The following TYROBP variants were observed in gnomAD, a reference collection of about 807,000 sequenced individuals.
TYROBP encodes the protein TYRO protein tyrosine kinase-binding protein.
Under a neutral mutation model 17.1 loss-of-function variants are expected in TYROBP, and 14 were observed. The ratio of observed to expected loss-of-function variants is 0.82; its 90% CI spans 0.54 to 1.28. TYROBP has a LOEUF of 1.28. Ranked by LOEUF, TYROBP falls within the 50% of genes most tolerant of loss-of-function variation. The probability of loss-of-function intolerance (pLI) is 0.00; values close to 1 mark genes in which losing one functional copy is unlikely to be tolerated. For synonymous variants in TYROBP, 73 were observed against 67.4 expected (o/e 1.08, Z -0.41); for missense variants, 161 against 151.4 (o/e 1.06, Z -0.33).
chr19:35,908,117 C>T, intron 1 of TYROBP, 51 bp downstream of exon 1: 1 of 1,554,718 alleles, frequency 6.4e-7, no homozygotes, highest in Non-Finnish European at 8.9e-7. Flanking sequence ...CTGCCCTGCC[C>T]CAAGCTGAGC....
rs564959565 is a variant in TYROBP, at chr19:35,904,445, G to A, written c.*124C>T. ...TATTTTAGGAGAGTATTGGGGAGCG[G>A]TCTGGTCTCTCAGGGATGGCACTCT... On this transcript the variant is annotated 3_prime_UTR_variant, in exon 5 of 5. Transcript: ENST00000262629. 1 of 1,004,428 alleles carries A rather than the reference G, an allele frequency of 1.0e-6. No homozygotes were observed. Among genetic ancestry groups the A allele is most frequent in the South Asian group, 1.3e-5 (1 of 74,712 alleles). 62.2% of individuals were successfully genotyped at this position (1,004,428 alleles called of 1,614,324 possible). A position where few individuals can be genotyped will look rare whatever the true frequency, so the allele number is the denominator to read the frequency against.
chr19:35,904,625 C>T lies in TYROBP; in HGVS notation c.286G>A (p.Gly96Ser). ...TCGCTGTAGACATCCGACCTCTGAC[C>T]CTGGAGCTCCTAAAGGAATGGGGGC... ...ETESPYQELQ[G>S]QRSDVYSDLN... Residue 96 changes from glycine to serine, a missense_variant, in exon 5 of 5, where the codon GGT (glycine) becomes AGT (serine). Coordinates refer to ENST00000262629, the MANE Select transcript of TYROBP (RefSeq NM_003332.4). 1.2e-6 allele frequency: 2 copies of T among 1,612,922 alleles called. No individual in the cohort carries two copies. Among genetic ancestry groups the T allele is most frequent in the Non-Finnish European group, 1.7e-6 (2 of 1,179,560 alleles).
chr19:35,907,630 AG>A lies in TYROBP; in HGVS notation c.95-51del, dbSNP rs1396887951. 3.7e-6 allele frequency: 6 copies of A among 1,612,776 alleles called. No individual in the cohort carries two copies. The African/African-American group carries it at 4.0e-5, about 11-fold the overall frequency. ...TCAGTGTGTGCTGGGAACTGTGGGG[AG>A]GGGGGTCAGCGGCAGGGAGGTTTGG... is the stretch of plus-strand genomic sequence containing the variant. On this transcript the variant is annotated intron_variant, in intron 2 of 4. Coordinates refer to ENST00000262629, the MANE Select transcript of TYROBP (RefSeq NM_003332.4).
rs778000401 is a variant in TYROBP, at chr19:35,908,256, T to C, written c.-28A>G. The C allele has an allele frequency of 1.7e-5, 27 of 1,606,380 alleles. No homozygotes were observed. The highest frequency in any genetic ancestry group is 1.6e-4 in the Middle Eastern group (1 of 6,070). On this transcript the variant is annotated 5_prime_UTR_variant, in exon 1 of 5. Transcript: ENST00000262629. ...AGCCGGATGCTGCTGGACACCACAG[T>C]GTAAGGGCCGGTGGGATGTGGCGCA...
chr19:35,904,471 G>T lies in TYROBP; in HGVS notation c.*98C>A. 7.9e-7 allele frequency: 1 copy of T among 1,261,626 alleles called. No homozygotes were observed. The highest frequency in any genetic ancestry group is 1.1e-6 in the Non-Finnish European group (1 of 877,264). 78.2% of individuals were successfully genotyped at this position (1,261,626 alleles called of 1,614,324 possible). Reference sequence around the variant, plus strand: ...TCTGGTCTCTCAGGGATGGCACTCTGTGGGTCTGTATCGCGGTAGGAGTTG... The same window carrying T: ...TCTGGTCTCTCAGGGATGGCACTCTTTGGGTCTGTATCGCGGTAGGAGTTG... On this transcript the variant is annotated 3_prime_UTR_variant, in exon 5 of 5. Transcript: ENST00000262629.
chr19:35,906,057 C>T (rs973148302), intron 4 of TYROBP, among the ~76,000 whole-genome samples: 2 of 150,988 alleles, frequency 1.3e-5, no homozygotes, highest in African/African-American at 2.4e-5. Flanking sequence ...GAGGCTGAGG[C>T]GGGAGGATCA....
chr19:35,907,756 C>A lies in TYROBP; in HGVS notation c.68G>T (p.Arg23Leu), dbSNP rs79272253. 6.8e-6 allele frequency: 11 copies of A among 1,613,274 alleles called. No individual in the cohort carries two copies. Among genetic ancestry groups the A allele is most frequent in the Non-Finnish European group, 9.3e-6 (11 of 1,179,934 alleles). Residue 23 changes from arginine to leucine, a missense_variant, in exon 2 of 5, where the codon CGT (arginine) becomes CTT (leucine). Transcript: ENST00000262629. ...LPLLLAVSGLRPVQAQAQSDC... is the reference protein window; with the variant it reads ...LPLLLAVSGLLPVQAQAQSDC... ...GCTCTGGGCCTGGGCCTGGACAGGA[C>A]GGAGACCTGAGGAGGAAAAAGAAGG...
chr19:35,907,402 C>T, intron 3 of TYROBP, 44 bp downstream of exon 3: 2 of 1,602,238 alleles, frequency 1.2e-6, no homozygotes, highest in Non-Finnish European at 1.7e-6. Context: ...CCCCCACCCC[C>T]ATCTAGGCAA....
At chr19:35,907,325 T>C (rs759389250) in intron 3 of TYROBP, 61 bp from the exon 4 acceptor site, 1 of 1,609,974 alleles carries the variant, frequency 6.2e-7, no homozygotes, top group South Asian at 1.1e-5. Context: ...GAGGGTGTTT[T>C]GTCATTCCAA....
chr19:35,906,539 C>T (rs1975728375), intron 4 of TYROBP, among the ~76,000 whole-genome samples: 1 of 152,028 alleles, frequency 6.6e-6, no homozygotes, highest in Non-Finnish European at 1.5e-5. Context: ...AAAAGAGATT[C>T]TAGGACTCCT....
intron 4 of TYROBP, among the ~76,000 whole-genome samples, chr19:35,905,652 T>TAA (rs753977412): frequency 4.4e-5 from 6 of 136,142 alleles, no homozygotes; most frequent in Admixed American, 1.5e-4. Context: ...ATCTCTACTT[T>TAA]AAAAAAAAAA....
At chr19:35,908,144 C>T in intron 1 of TYROBP, 24 bp downstream of exon 1, 3 of 1,611,034 alleles carry the variant, frequency 1.9e-6, no homozygotes, top group Non-Finnish European at 2.5e-6. Flanking sequence ...ACCCGGGAGG[C>T]AGCCACGGAA....
At chr19:35,905,682 C>T (rs1975703611) in intron 4 of TYROBP, among the ~76,000 whole-genome samples, 1 of 150,402 alleles carries the variant, frequency 6.6e-6, no homozygotes, top group Non-Finnish European at 1.5e-5. Context: ...AGGCCGGGCG[C>T]GGTGGCTCAC....
At position 35,907,461 on chromosome 19, in the gene TYROBP, G is replaced by A; in HGVS notation, c.214C>T (p.Arg72Ter). Residue 72 changes from arginine (R) to a stop codon, truncating the protein, a stop_gained, in exon 3 of 5, where the codon CGA (arginine) becomes TGA (stop). Coordinates refer to ENST00000262629, the MANE Select transcript of TYROBP (RefSeq NM_003332.4). LOFTEE classifies it high-confidence loss of function. Reference protein sequence around the residue: ...YFLGRLVPRGRGAAEAATRKQ... With the variant: ...YFLGRLVPRG ...CCCCACTCACCCTCCGCAGCCCCTC[G>A]CCCCCGAGGGACCAGCCGGCCCAGG... is the stretch of plus-strand genomic sequence containing the variant. 1.2e-5 allele frequency: 19 copies of A among 1,611,750 alleles called. No individual in the cohort carries two copies. Among genetic ancestry groups the A allele is most frequent in the Non-Finnish European group, 1.6e-5 (19 of 1,179,560 alleles).
intron 4 of TYROBP, 108 bp from the exon 5 acceptor site, chr19:35,904,742 A>G: frequency 1.0e-6 from 1 of 963,550 alleles, no homozygotes; most frequent in Non-Finnish European, 1.6e-6. Context: ...TAGCCATGAA[A>G]GAGATCCGGA....
intron 4 of TYROBP, among the ~76,000 whole-genome samples, chr19:35,905,537 G>C (rs1052602202): frequency 6.6e-6 from 1 of 151,990 alleles, no homozygotes; most frequent in Non-Finnish European, 1.5e-5. Flanking sequence ...CTTCAGCCAG[G>C]CATGGTGACT....
In TYROBP at chr19:35,907,537, G is replaced by C. The variant is rs760363848; in HGVS notation, c.138C>G (p.Ile46Met). ...STVSPGVLAG[I>M]VMGDLVLTVL... ...CTGTCAGCACCAGGTCTCCCATCAC[G>C]ATCCCTGCCAGCACGCCCGGGCTCA... The change falls in exon 3 of 5, where the codon ATC (isoleucine) becomes ATG (methionine). Residue 46 changes from isoleucine (I) to methionine (M), a missense_variant. By Grantham distance (10) the Ile-to-Met change is conservative. Coordinates refer to ENST00000262629, the MANE Select transcript of TYROBP (RefSeq NM_003332.4). The C allele has an allele frequency of 1.2e-6, 2 of 1,614,032 alleles. No individual in the cohort carries two copies. Among genetic ancestry groups the C allele is most frequent in the African/African-American group, 2.7e-5 (2 of 75,040 alleles).
At chr19:35,906,600 G>A (rs1386878108) in intron 4 of TYROBP, among the ~76,000 whole-genome samples, 1 of 152,040 alleles carries the variant, frequency 6.6e-6, no homozygotes, top group Non-Finnish European at 1.5e-5. Flanking sequence ...GCCCTACTGA[G>A]AGCGTCTCCC....
intron 4 of TYROBP, among the ~76,000 whole-genome samples, chr19:35,906,411 TAAAGA>T (rs1192096411): frequency 6.6e-6 from 1 of 152,094 alleles, no homozygotes; most frequent in Non-Finnish European, 1.5e-5. Flanking sequence ...TTTTTAATTA[TAAAGA>T]ACATTTACAC....
Sources: gnomAD v4.1 joint callset for allele counts (sites outside exome capture counted in the v4.1 genomes callset) on GRCh38, gnomAD v4.1.1 for gene constraint, MANE v1.5 for transcripts, NCBI Gene and HGNC (gene_info 2026-07-23, HGNC 2026-07-21) for gene names.